Variants in CDH12 observed in about 807,000 individuals in gnomAD.
CDH12 encodes cadherin-12.
A neutral mutation model predicts 74.1 loss-of-function variants in CDH12; 41 were observed. The observed-to-expected ratio is 0.55, with a 90% CI of 0.43 to 0.72. The LOEUF is 0.72. CDH12 is among the 30% of genes least tolerant of loss of function. The pLI is 0.00. For missense variants in CDH12, 945 were observed against 977.2 expected (o/e 0.97, Z 0.44); for synonymous variants, 399 against 355.0 (o/e 1.12, Z -1.39).
At chr5:22,672,413 C>G (rs367856433) in intron 1 of CDH12, among the ~76,000 whole-genome samples, 1 of 151,772 alleles carries the variant, frequency 6.6e-6, no homozygotes, top group Non-Finnish European at 1.5e-5. Context: ...GATGATTAGG[C>G]CAGGATGACT....
At chr5:22,316,156 AG>A (rs1350115258) in intron 3 of CDH12, among the ~76,000 whole-genome samples, 1 of 152,146 alleles carries the variant, frequency 6.6e-6, no homozygotes, top group Non-Finnish European at 1.5e-5. Flanking sequence ...ACATGAATTA[AG>A]GATGCCAAAA....
intron 5 of CDH12, among the ~76,000 whole-genome samples, chr5:22,050,062 C>T (rs534788558): frequency 1.3e-5 from 2 of 152,198 alleles, no homozygotes; most frequent in South Asian, 2.1e-4. Context: ...GTTTCCCCTC[C>T]CAAATTTTTA....
At chr5:22,787,910 G>C (rs1747718999) in intron 1 of CDH12, among the ~76,000 whole-genome samples, 1 of 152,100 alleles carries the variant, frequency 6.6e-6, no homozygotes, top group Admixed American at 6.5e-5. Flanking sequence ...GGTTTTTCTT[G>C]TCATCTAATC....
intron 5 of CDH12, among the ~76,000 whole-genome samples, chr5:22,053,063 GTTTTT>G (rs535507772): frequency 6.8e-6 from 1 of 148,038 alleles, no homozygotes; most frequent in African/African-American, 2.5e-5. Flanking sequence ...AGGGTCTCTC[GTTTTT>G]TTTGTTTTTT....
intron 6 of CDH12, among the ~76,000 whole-genome samples, chr5:21,962,048 T>C (rs1756384760): frequency 6.6e-6 from 1 of 152,190 alleles, no homozygotes; most frequent in South Asian, 2.1e-4. Context: ...CAATATTTCA[T>C]TTTAATTATG....
chr5:22,042,895 A>G (rs1205457993), intron 5 of CDH12, among the ~76,000 whole-genome samples: 3 of 151,192 alleles, frequency 2.0e-5, no homozygotes, highest in Non-Finnish European at 3.0e-5. Flanking sequence ...ATCTCAAAAA[A>G]AAAAAAAAAA....
intron 4 of CDH12, among the ~76,000 whole-genome samples, chr5:22,193,804 T>C (rs1750444251): frequency 6.6e-6 from 1 of 152,100 alleles, no homozygotes; most frequent in African/African-American, 2.4e-5. Context: ...CAGTAGAGAA[T>C]ATAGTAAGAA....
intron 1 of CDH12, among the ~76,000 whole-genome samples, chr5:22,793,196 C>A (rs1187517672): frequency 6.6e-6 from 1 of 152,204 alleles, no homozygotes; most frequent in African/African-American, 2.4e-5. Context: ...ACACGCTATT[C>A]CTAAGTGATC....
intron 6 of CDH12, among the ~76,000 whole-genome samples, chr5:21,894,637 T>C (rs1753041657): frequency 6.6e-6 from 1 of 152,156 alleles, no homozygotes; most frequent in Non-Finnish European, 1.5e-5. Flanking sequence ...TATACAGCTA[T>C]ATTTATTTAT....
intron 3 of CDH12, among the ~76,000 whole-genome samples, chr5:22,369,961 A>T (rs1741206597): frequency 2.6e-5 from 4 of 152,140 alleles, no homozygotes; most frequent in Admixed American, 2.6e-4. Context: ...TAACAGAAAA[A>T]TCACCTCAAA....
intron 6 of CDH12, among the ~76,000 whole-genome samples, chr5:21,881,079 A>C (rs1156751168): frequency 1.3e-5 from 2 of 152,168 alleles, no homozygotes; most frequent in Non-Finnish European, 2.9e-5. Flanking sequence ...CTATTTTAGC[A>C]GCTCACACTG....
intron 1 of CDH12, among the ~76,000 whole-genome samples, chr5:22,682,317 G>T (rs1179463870): frequency 6.6e-6 from 1 of 151,920 alleles, no homozygotes; most frequent in African/African-American, 2.4e-5. Context: ...TTAATAATTT[G>T]GGAAGAAATG....
chr5:22,070,045 T>G (rs771578065), intron 5 of CDH12, among the ~76,000 whole-genome samples: 3 of 152,200 alleles, frequency 2.0e-5, no homozygotes, highest in Non-Finnish European at 4.4e-5. Flanking sequence ...ATGAGGGCTA[T>G]AATCATTACA....
intron 1 of CDH12, among the ~76,000 whole-genome samples, chr5:22,546,332 C>A (rs1048860929): frequency 1.3e-5 from 2 of 152,116 alleles, no homozygotes; most frequent in Non-Finnish European, 2.9e-5. Flanking sequence ...AATAAAAATG[C>A]TGATTAATGA....
At chr5:22,680,650 G>A (rs1741441448) in intron 1 of CDH12, among the ~76,000 whole-genome samples, 1 of 151,974 alleles carries the variant, frequency 6.6e-6, no homozygotes, top group Admixed American at 6.6e-5. Flanking sequence ...AACCATATTT[G>A]TATTATATGG....
chr5:22,483,770 A>ATATATATATATATATAGATAT (rs1400461763), intron 2 of CDH12, among the ~76,000 whole-genome samples: 1 of 101,028 alleles, frequency 9.9e-6, no homozygotes, highest in Non-Finnish European at 2.0e-5. Flanking sequence ...ATATAAATTT[A>ATATATATATATATATAGATAT]ATTAATTGGG....
chr5:22,705,754 T>C (rs950961976), intron 1 of CDH12, among the ~76,000 whole-genome samples: 3 of 152,054 alleles, frequency 2.0e-5, no homozygotes, highest in Admixed American at 6.6e-5. Context: ...TAAGGAGATA[T>C]AATACAATGA....
chr5:22,698,714 T>C (rs1561585881), intron 1 of CDH12, among the ~76,000 whole-genome samples: 1 of 14,876 alleles, frequency 6.7e-5, no homozygotes, highest in Non-Finnish European at 1.2e-4. Flanking sequence ...TATATATATA[T>C]ATATATATAT....
intron 3 of CDH12, among the ~76,000 whole-genome samples, chr5:22,317,074 T>G (rs150420594): frequency 8.1e-4 from 123 of 152,172 alleles, no homozygotes; most frequent in African/African-American, 2.9e-3. Context: ...TCCTAGCACT[T>G]TGGGAGACCG....
Sources: gnomAD v4.1 joint callset for allele counts (sites outside exome capture counted in the v4.1 genomes callset) on GRCh38, gnomAD v4.1.1 for gene constraint, MANE v1.5 for transcripts, NCBI Gene and HGNC (gene_info 2026-07-23, HGNC 2026-07-21) for gene names.